The following ONECUT3 variants were observed in gnomAD, a reference collection of about 807,000 sequenced individuals.
ONECUT3 encodes one cut domain family member 3.
ONECUT3 carries 11 observed loss-of-function variants against 16.8 expected under a neutral mutation model. The ratio of observed to expected loss-of-function variants is 0.66; its 90% CI spans 0.41 to 1.09. The LOEUF (loss-of-function observed/expected upper bound fraction) is 1.09, where lower values mean the gene tolerates loss of function less well. Among genes scored for constraint, ONECUT3 ranks in the 50% least tolerant of loss-of-function variants. ONECUT3 has a pLI of 0.00. For synonymous variants in ONECUT3, 344 were observed against 310.7 expected (o/e 1.11, Z -1.13); for missense variants, 637 against 629.9 (o/e 1.01, Z -0.12).
chr19:1,773,148 T>G (rs1253797509), intron 1 of ONECUT3, among the ~76,000 whole-genome samples: 1 of 152,138 alleles, frequency 6.6e-6, no homozygotes, highest in East Asian at 1.9e-4. Flanking sequence ...GGATACGATA[T>G]TTTTCTCTTA....
chr19:1,757,461 CTCCTGGCACCCCGAGCCT>C (rs2067922510), intron 1 of ONECUT3, among the ~76,000 whole-genome samples: 1 of 152,260 alleles, frequency 6.6e-6, no homozygotes, highest in African/African-American at 2.4e-5. Context: ...GTGAGCGCAG[CTCCTGGCACCCCGAGCCT>C]CCCGCAGGGC....
rs1221582380 is a variant in ONECUT3 at position 1,754,228 on chromosome 19, G to T, written c.566G>T (p.Gly189Val). Residue 189 changes from glycine (G) to valine (V), a missense_variant, in exon 1 of 2, where the codon GGC (glycine) becomes GTC (valine). By Grantham distance (109) the Gly-to-Val change is moderately radical. Transcript: ENST00000382349. This position sits in a 1 kb window ranked among gnomAD's most constrained non-coding sequence, Gnocchi z 7.4. ...ASVGHLYGPY[G>V]KELPAMGSPL... is the part of the protein sequence containing the mutation. ...GTGGGCCACCTCTACGGACCCTACG[G>T]CAAGGAGCTGCCCGCCATGGGGTCG... The T allele has an allele frequency of 2.7e-6, 3 of 1,105,738 alleles. No individual in the cohort carries two copies. The highest frequency in any genetic ancestry group is 1.7e-5 in the African/African-American group (1 of 58,932). The allele number at this position is 1,105,738 out of a possible 1,614,324, so 68.5% of individuals were successfully genotyped here.
At chr19:1,757,722 C>T (rs534097937) in intron 1 of ONECUT3, among the ~76,000 whole-genome samples, 3 of 152,354 alleles carry the variant, frequency 2.0e-5, no homozygotes, top group African/African-American at 7.2e-5. Flanking sequence ...AGGCTCCGGC[C>T]CAGGCCTTTA....
chr19:1,756,431 A>C (rs569888539), intron 1 of ONECUT3, among the ~76,000 whole-genome samples: 1 of 152,236 alleles, frequency 6.6e-6, no homozygotes, highest in East Asian at 1.9e-4. Context: ...ATACAGCGGC[A>C]CTCGTGCGCT....
chr19:1,765,097 G>T (rs1158885853), intron 1 of ONECUT3, among the ~76,000 whole-genome samples: 1 of 152,106 alleles, frequency 6.6e-6, no homozygotes, highest in African/African-American at 2.4e-5. Context: ...GAGGGACATG[G>T]GATGGTCACT....
chr19:1,772,703 T>C (rs1481537343), intron 1 of ONECUT3, among the ~76,000 whole-genome samples: 1 of 128,734 alleles, frequency 7.8e-6, no homozygotes, highest in Non-Finnish European at 1.7e-5. Context: ...TTTTTTTTTT[T>C]TTTTTTTGAG....
intron 1 of ONECUT3, among the ~76,000 whole-genome samples, chr19:1,765,031 C>T (rs79841033): frequency 0.029 from 4,471 of 152,186 alleles, 96 homozygotes; most frequent in South Asian, 0.078. Flanking sequence ...GGGCACACAG[C>T]GGGGTAGACT....
chr19:1,770,644 C>T (rs140938667), intron 1 of ONECUT3, among the ~76,000 whole-genome samples: 12 of 152,270 alleles, frequency 7.9e-5, no homozygotes, highest in African/African-American at 2.9e-4. Context: ...AGAAGGGCCT[C>T]CCTTGGAATT....
At chr19:1,768,280 G>C (rs1313770456) in intron 1 of ONECUT3, among the ~76,000 whole-genome samples, 2 of 151,962 alleles carry the variant, frequency 1.3e-5, no homozygotes, top group African/African-American at 4.8e-5. Flanking sequence ...AAGGAGCTGA[G>C]GGGGGCGGGA....
chr19:1,765,404 C>T (rs1213117625), intron 1 of ONECUT3, among the ~76,000 whole-genome samples: 1 of 152,204 alleles, frequency 6.6e-6, no homozygotes, highest in African/African-American at 2.4e-5. Flanking sequence ...ACTCGAAGGC[C>T]TCAGAGAGCC....
rs2067914661 is a variant in ONECUT3 at position 1,756,044 on chromosome 19, G to A, written c.1192+1190G>A. Among the ~76,000 whole-genome samples, 3 of 152,128 alleles carry A rather than the reference G, an allele frequency of 2.0e-5. No homozygotes were observed. In the South Asian group the frequency reaches 6.2e-4, roughly 32 times the overall value. ...CAAGGGCGAGAAAGGCGGGGGCTCTGGGAGGCGCCCCACTAGCAAAGAGGC... is the reference window on the plus strand; with the variant it reads ...CAAGGGCGAGAAAGGCGGGGGCTCTAGGAGGCGCCCCACTAGCAAAGAGGC... On this transcript the variant is annotated intron_variant, in intron 1 of 1. Transcript: ENST00000382349.
chr19:1,778,866 T>TCACACACACACACACACACA lies in ONECUT3; in HGVS notation c.*3449_*3468dup, dbSNP rs60843841. 9.1e-5 allele frequency: 12 copies of TCACACACACACACACACACA among 132,458 alleles called. No homozygotes were observed. The highest frequency in any genetic ancestry group is 2.4e-4 in the African/African-American group (8 of 33,952). 8.2% of individuals were successfully genotyped at this position (132,458 alleles called of 1,614,324 possible). ...TGGATCCTTTTCAGATATCTTCGTA[T>TCACACACACACACACACACA]CACACACACACACACACACACACAC... On this transcript the variant is annotated 3_prime_UTR_variant, in exon 2 of 2. Coordinates refer to ENST00000382349, the MANE Select transcript of ONECUT3 (RefSeq NM_001080488.2).
intron 1 of ONECUT3, among the ~76,000 whole-genome samples, chr19:1,773,354 A>C (rs8108510): frequency 6.6e-6 from 1 of 151,990 alleles, no homozygotes; most frequent in African/African-American, 2.4e-5. Flanking sequence ...GCATTTAATC[A>C]TAAAACCTGA....
rs1312375609 is a variant in ONECUT3, at chr19:1,779,874, C to G, written c.*4429C>G. 6.6e-6 allele frequency: 1 copy of G among 152,062 alleles called. No homozygotes were observed. Among genetic ancestry groups the G allele is most frequent in the African/African-American group, 2.4e-5 (1 of 41,350 alleles). 9.4% of individuals were successfully genotyped at this position (152,062 alleles called of 1,614,324 possible). A position where few individuals can be genotyped will look rare whatever the true frequency, so the allele number is the denominator to read the frequency against. ...AGCCGGGTCTCCTCCACCTGCCTGT[C>G]CATCTCCACCCGAGATGCCACCTGC... On this transcript the variant is annotated 3_prime_UTR_variant, in exon 2 of 2. Transcript: ENST00000382349.
At chr19:1,760,259 T>C (rs2067939782) in intron 1 of ONECUT3, among the ~76,000 whole-genome samples, 1 of 152,204 alleles carries the variant, frequency 6.6e-6, no homozygotes, top group Admixed American at 6.5e-5. Flanking sequence ...GGCGTGGCTT[T>C]CGGCTGCTCT....
chr19:1,754,155 A>G lies in ONECUT3; in HGVS notation c.493A>G (p.Ser165Gly). The change falls in exon 1 of 2, where the codon AGC becomes GGC. Residue 165 changes from serine to glycine, a missense_variant. Physicochemically the swap from Ser to Gly is moderately conservative, Grantham distance 56. Coordinates refer to ENST00000382349, the MANE Select transcript of ONECUT3 (RefSeq NM_001080488.2). This position sits in a 1 kb window ranked among gnomAD's most constrained non-coding sequence, Gnocchi z 7.4. ...PPPQRLAASVSGSFTLMRDER... is the reference protein window; with the variant it reads ...PPPQRLAASVGGSFTLMRDER... ...GCCGCAGCGTCTGGCGGCCAGCGTG[A>G]GCGGCAGCTTCACCCTCATGCGCGA... The G allele has an allele frequency of 9.6e-7, 1 of 1,040,700 alleles. No homozygotes were observed. Among genetic ancestry groups the G allele is most frequent in the Non-Finnish European group, 1.2e-6 (1 of 864,780 alleles). 64.5% of individuals were successfully genotyped at this position (1,040,700 alleles called of 1,614,324 possible). A position where few individuals can be genotyped will look rare whatever the true frequency, so the allele number is the denominator to read the frequency against.
Position 1,755,068 on chromosome 19 carries a change from C to G in ONECUT3, c.1192+214C>G, listed in dbSNP as rs1026738334. ...AGGGAGAAAGGGATTGTGCCGCCTC[C>G]CCGCCCCCCGGTCGCCGCTTCTGCC... is the stretch of plus-strand genomic sequence containing the variant. On this transcript the variant is annotated intron_variant, in intron 1 of 1. Transcript: ENST00000382349. The surrounding 1 kb of genome is among the most constrained non-coding windows in gnomAD (Gnocchi z 7.5). Among the ~76,000 whole-genome samples the G allele has an allele frequency of 2.0e-5, 3 of 152,148 alleles. No individual in the cohort carries two copies. Among genetic ancestry groups the G allele is most frequent in the Admixed American group, 6.5e-5 (1 of 15,286 alleles).
intron 1 of ONECUT3, among the ~76,000 whole-genome samples, chr19:1,774,418 A>C (rs1361240999): frequency 1.5e-4 from 2 of 13,514 alleles, no homozygotes; most frequent in Admixed American, 7.3e-4. Flanking sequence ...TCCCCTCCGC[A>C]AAAAAAAAAA....
At position 1,779,410 on chromosome 19, in the gene ONECUT3, CGAGCGCAAGAGAGAGAGAGAGG is replaced by C. The variant is rs2068138033; in HGVS notation, c.*3969_*3990del. 6.7e-6 allele frequency: 1 copy of C among 149,560 alleles called. No homozygotes were observed. The highest frequency in any genetic ancestry group is 2.1e-4 in the South Asian group (1 of 4,670). 9.3% of individuals were successfully genotyped at this position (149,560 alleles called of 1,614,324 possible). On this transcript the variant is annotated 3_prime_UTR_variant, in exon 2 of 2. Coordinates refer to ENST00000382349, the MANE Select transcript of ONECUT3 (RefSeq NM_001080488.2). ...GAAAGAAAGGAAGAGAGAGAGAGAG[CGAGCGCAAGAGAGAGAGAGAGG>C]GAGAGAGAGGGAGAGGGAGAGAGAG...
Sources: allele counts gnomAD v4.1 joint callset (sites outside exome capture counted in the v4.1 genomes callset), GRCh38; gene constraint gnomAD v4.1.1; non-coding constraint Gnocchi (gnomAD v3.1); transcripts MANE v1.5; gene names NCBI Gene and HGNC (gene_info 2026-07-23, HGNC 2026-07-21).